The following QDPR variants were observed in gnomAD, a reference collection of about 807,000 sequenced individuals.
QDPR encodes the protein quinoid dihydropteridine reductase.
Under a neutral mutation model 31.7 loss-of-function variants are expected in QDPR, and 23 were observed. The observed-to-expected ratio is 0.73, with a 90% CI of 0.52 to 1.03. The LOEUF is 1.03. Ranked by LOEUF, QDPR falls within the 50% of genes least tolerant of loss-of-function variation. The pLI, the probability that QDPR is intolerant of heterozygous loss-of-function variation, is 0.00. For synonymous variants in QDPR, 124 were observed against 124.7 expected (o/e 0.99, Z 0.03); for missense variants, 324 against 323.8 (o/e 1.00, Z 0.00).
chr4:17,504,130 G>A (rs1718667767), intron 3 of QDPR, among the ~76,000 whole-genome samples: 1 of 152,220 alleles, frequency 6.6e-6, no homozygotes, highest in Non-Finnish European at 1.5e-5. Flanking sequence ...CACAGGCCAT[G>A]CTGATTTCAT....
intron 4 of QDPR, 112 bp downstream of exon 4, chr4:17,501,607 A>T: frequency 1.6e-6 from 2 of 1,266,374 alleles, no homozygotes; most frequent in Non-Finnish European, 2.2e-6. Context: ...TCTATCTGTT[A>T]AGCAGCTTAG....
At chr4:17,490,854 C>T in intron 5 of QDPR, 109 bp from the exon 6 acceptor site, 2 of 770,602 alleles carry the variant, frequency 2.6e-6, no homozygotes, top group Non-Finnish European at 4.5e-6. Flanking sequence ...CAACCTAGAG[C>T]CTCTGGCACT....
chr4:17,511,856 C>T, intron 1 of QDPR, 94 bp downstream of exon 1: 1 of 1,354,966 alleles, frequency 7.4e-7, no homozygotes, highest in Non-Finnish European at 1.0e-6. Flanking sequence ...GCACAGGGGC[C>T]CCCACCTTCC....
At chr4:17,490,878 A>T (rs979487938) in intron 5 of QDPR, 133 bp from the exon 6 acceptor site, 2 of 697,076 alleles carry the variant, frequency 2.9e-6, no homozygotes, top group African/African-American at 3.5e-5. Context: ...GGTGCTATTT[A>T]CATGGAAAGA....
chr4:17,511,900 GC>G, intron 1 of QDPR, 49 bp downstream of exon 1: 7 of 1,571,904 alleles, frequency 4.5e-6, no homozygotes, highest in Admixed American at 1.8e-5. Context: ...CCACACGAAA[GC>G]CCCCGGCCAC....
intron 4 of QDPR, among the ~76,000 whole-genome samples, chr4:17,495,874 T>C (rs1463977885): frequency 6.6e-6 from 1 of 151,852 alleles, no homozygotes; most frequent in East Asian, 1.9e-4. Context: ...CCAGGTGTGA[T>C]GGCGAGCGCC....
At chr4:17,509,758 G>A (rs1718937335) in intron 1 of QDPR, among the ~76,000 whole-genome samples, 1 of 152,134 alleles carries the variant, frequency 6.6e-6, no homozygotes, top group South Asian at 2.1e-4. Context: ...AAGGAGCAGA[G>A]TGGAGACAGG....
intron 6 of QDPR, among the ~76,000 whole-genome samples, chr4:17,488,564 A>C (rs1210614560): frequency 2.6e-5 from 4 of 152,364 alleles, no homozygotes; most frequent in South Asian, 4.1e-4. Flanking sequence ...CCCTCTAAGA[A>C]GACAGGAATG....
In QDPR at chr4:17,497,637, G is replaced by A. The variant is rs1718413259; in HGVS notation, c.436+4082C>T. On this transcript the variant is annotated intron_variant, in intron 4 of 6. Coordinates refer to ENST00000281243, the MANE Select transcript of QDPR (RefSeq NM_000320.3). ...TAACTAGCTAGGTTGTCTTAGACAA[G>A]GCACCTAAAATCACTGAACTTTTTT... 2.0e-5 allele frequency among the ~76,000 whole-genome samples: 3 copies of A among 152,038 alleles called. No homozygotes were observed. In the South Asian group the frequency reaches 6.2e-4, roughly 32 times the overall value.
At chr4:17,493,596 T>C (rs1488661113) in intron 4 of QDPR, among the ~76,000 whole-genome samples, 1 of 152,096 alleles carries the variant, frequency 6.6e-6, no homozygotes, top group East Asian at 1.9e-4. Context: ...TACTGGTTTA[T>C]TATAAAGGAT....
chr4:17,500,380 T>A (rs915256080), intron 4 of QDPR, among the ~76,000 whole-genome samples: 5 of 152,340 alleles, frequency 3.3e-5, no homozygotes, highest in African/African-American at 1.2e-4. Flanking sequence ...GGGAGTGTTA[T>A]GGGCTGAAAT....
At chr4:17,495,050 C>T (rs907111030) in intron 4 of QDPR, among the ~76,000 whole-genome samples, 3 of 152,152 alleles carry the variant, frequency 2.0e-5, no homozygotes, top group African/African-American at 7.2e-5. Context: ...GTGACTGCGG[C>T]AGGGAGGGGG....
At chr4:17,509,198 G>C in intron 2 of QDPR, 73 bp downstream of exon 2, 1 of 1,157,540 alleles carries the variant, frequency 8.6e-7, no homozygotes, top group Non-Finnish European at 1.3e-6. Flanking sequence ...ACAGCCAAAG[G>C]AAGAACATAC....
chr4:17,490,797 A>T (rs1307966744), intron 5 of QDPR, 52 bp from the exon 6 acceptor site: 2 of 1,462,250 alleles, frequency 1.4e-6, no homozygotes, highest in Non-Finnish European at 1.9e-6. Context: ...TTCTAACAAC[A>T]GGTGCCCAGT....
intron 1 of QDPR, chr4:17,509,961 T>C (rs865980565): frequency 4.4e-6 from 2 of 456,122 alleles, no homozygotes; most frequent in African/African-American, 2.0e-5. Context: ...ATATGGTATC[T>C]GTTGTTACTC....
At chr4:17,495,935 C>A (rs1023210339) in intron 4 of QDPR, among the ~76,000 whole-genome samples, 1 of 151,918 alleles carries the variant, frequency 6.6e-6, no homozygotes, top group African/African-American at 2.4e-5. Context: ...CTGGAGCCCC[C>A]GGGAGGTCGA....
At chr4:17,511,834 G>T in intron 1 of QDPR, 116 bp downstream of exon 1, 1 of 1,003,976 alleles carries the variant, frequency 1.0e-6, no homozygotes, top group Non-Finnish European at 1.5e-6. Flanking sequence ...CAAGCAACAC[G>T]AGTCAGGGGG....
intron 1 of QDPR, chr4:17,509,934 C>T (rs1190230690): frequency 2.2e-6 from 1 of 456,042 alleles, no homozygotes; most frequent in African/African-American, 2.0e-5. Context: ...TCACAATTAC[C>T]TTAGGCTTTG....
rs963347828 is a variant in QDPR at position 17,511,562 on chromosome 4, G to A, written c.105+388C>T. Among the ~76,000 whole-genome samples the A allele has an allele frequency of 8.5e-5, 13 of 152,198 alleles. No individual in the cohort carries two copies. In the South Asian group the frequency reaches 1.7e-3, roughly 19 times the overall value. ...GGAAACCGAGGTCCTACGGCGTTAG[G>A]TAATCAATACGCGGTCTCATGACTA... is the stretch of plus-strand genomic sequence containing the variant. On this transcript the variant is annotated intron_variant, in intron 1 of 6. Coordinates refer to ENST00000281243, the MANE Select transcript of QDPR (RefSeq NM_000320.3).
Sources: allele counts gnomAD v4.1 joint callset (sites outside exome capture counted in the v4.1 genomes callset), GRCh38; gene constraint gnomAD v4.1.1; transcripts MANE v1.5; gene names NCBI Gene and HGNC (gene_info 2026-07-23, HGNC 2026-07-21).